Variants in PARP2 observed in about 807,000 individuals in gnomAD.
PARP2 encodes the protein poly(ADP-ribose) polymerase 2.
PARP2 carries 57 observed loss-of-function variants against 77.8 expected under a neutral mutation model. The observed-to-expected ratio is 0.73, with a 90% CI of 0.59 to 0.91. The LOEUF is 0.91. Among genes scored for constraint, PARP2 ranks in the 40% least tolerant of loss-of-function variants. The probability of loss-of-function intolerance (pLI) is 0.00; values close to 1 mark genes in which losing one functional copy is unlikely to be tolerated. For missense variants in PARP2, 651 were observed against 689.0 expected (o/e 0.94, Z 0.62); for synonymous variants, 226 against 242.6 (o/e 0.93, Z 0.64).
At chr14:20,356,467 T>C in intron 12 of PARP2, 33 bp downstream of exon 12, 1 of 1,613,922 alleles carries the variant, frequency 6.2e-7, no homozygotes, top group Non-Finnish European at 8.5e-7. Context: ...GGAAAGACAC[T>C]CCTTGCCCGA....
Position 20,346,850 on chromosome 14 carries a change from TCTCC to T in PARP2, c.274-10_274-7del, listed in dbSNP as rs756901878. 39 of 1,581,600 alleles carry T rather than the reference TCTCC, an allele frequency of 2.5e-5. No individual in the cohort carries two copies. Among genetic ancestry groups the T allele is most frequent in the African/African-American group, 2.3e-4 (17 of 73,932 alleles). On this transcript the variant is annotated splice_polypyrimidine_tract_variant and intron_variant, in intron 3 of 15. Coordinates refer to ENST00000429687, the MANE Select transcript of PARP2 (RefSeq NM_001042618.2). ...TATACTAATGTTGATTTTTTCTCTC[TCTCC>T]CTTTCTAGGCTCATGTGTATTGTGA...
chr14:20,347,010 C>CTTTTTTTTTTT (rs201999457), intron 4 of PARP2, 97 bp downstream of exon 4: 1 of 477,632 alleles, frequency 2.1e-6, no homozygotes. Flanking sequence ...TTTAAAGTCC[C>CTTTTTTTTTTT]TTTTTTTTTT....
chr14:20,357,565 G>C, intron 15 of PARP2, 45 bp downstream of exon 15: 1 of 1,602,150 alleles, frequency 6.2e-7, no homozygotes, highest in South Asian at 1.1e-5. Flanking sequence ...CTTTTGGCCA[G>C]ATAAGACTAC....
intron 6 of PARP2, among the ~76,000 whole-genome samples, chr14:20,351,401 A>G (rs1594299908): frequency 6.6e-6 from 1 of 151,780 alleles, no homozygotes; most frequent in South Asian, 2.1e-4. Flanking sequence ...CTGGTCTCGA[A>G]CCCCTGACCT....
intron 1 of PARP2, 42 bp downstream of exon 1, chr14:20,343,729 C>T (rs1340788255): frequency 1.3e-6 from 2 of 1,597,608 alleles, no homozygotes; most frequent in South Asian, 1.1e-5. Flanking sequence ...GGGGGGCGGG[C>T]AGTCAGAAAG....
At position 20,355,745 on chromosome 14, in the gene PARP2, T is replaced by G; in HGVS notation, c.903-7T>G. On this transcript the variant is annotated splice_region_variant and splice_polypyrimidine_tract_variant and intron_variant, in intron 9 of 15. Transcript: ENST00000429687. ...AAGCTCATTATGGGTTATATCTCTG[T>G]TCTTAGACTCCGTACTCCTCCACTA... 1 of 1,612,076 alleles carries G rather than the reference T, an allele frequency of 6.2e-7. No homozygotes were observed. Among genetic ancestry groups the G allele is most frequent in the Non-Finnish European group, 8.5e-7 (1 of 1,178,140 alleles).
rs1435088244 is a variant in PARP2 at position 20,350,532 on chromosome 14, C to G, written c.331C>G (p.Leu111Val). 1.9e-6 allele frequency: 3 copies of G among 1,590,758 alleles called. No homozygotes were observed. Among genetic ancestry groups the G allele is most frequent in the Non-Finnish European group, 2.6e-6 (3 of 1,159,260 alleles). ...TTGTTTTCACTCAACATAGACCAAT[C>G]TCCAGTTCAACAACAACAAGTACTA... ...VYDVMLNQTN[L>V]QFNNNKYYLI... is the part of the protein sequence containing the mutation. The change falls in exon 5 of 16, where the codon CTC (leucine) becomes GTC (valine). Residue 111 changes from leucine (L) to valine (V), a missense_variant. Transcript: ENST00000429687.
intron 11 of PARP2, 74 bp from the exon 12 acceptor site, chr14:20,356,233 G>C: frequency 6.4e-7 from 1 of 1,555,296 alleles, no homozygotes; most frequent in African/African-American, 1.4e-5. Context: ...AGTTATATCA[G>C]AATCCCCAAA....
At chr14:20,344,684 A>C (rs761757466) in intron 1 of PARP2, among the ~76,000 whole-genome samples, 49 of 152,114 alleles carry the variant, frequency 3.2e-4, no homozygotes, top group South Asian at 6.2e-4. Context: ...ATGGTGGTGC[A>C]CGCCTGTAAT....
chr14:20,356,939 A>G, intron 13 of PARP2, 112 bp from the exon 14 acceptor site: 1 of 769,506 alleles, frequency 1.3e-6, no homozygotes, highest in Non-Finnish European at 2.3e-6. Context: ...GGGGAAATGG[A>G]GAAGGGTCTA....
chr14:20,345,568 C>T lies in PARP2; in HGVS notation c.273+104C>T, dbSNP rs1031196982. 7.6e-6 allele frequency: 6 copies of T among 790,750 alleles called. No homozygotes were observed. In the African/African-American group the frequency reaches 8.6e-5, roughly 11 times the overall value. The allele number at this position is 790,750 out of a possible 1,614,324, so 49.0% of individuals were successfully genotyped here. A position where few individuals can be genotyped will look rare whatever the true frequency, so the allele number is the denominator to read the frequency against. On this transcript the variant is annotated intron_variant, in intron 3 of 15. Transcript: ENST00000429687. ...TGCTGTTAGTACTCATTTTAGGAATCCTCTCCAAAATATGATGAGTGAGTA... is the reference window on the plus strand; with the variant it reads ...TGCTGTTAGTACTCATTTTAGGAATTCTCTCCAAAATATGATGAGTGAGTA...
intron 3 of PARP2, among the ~76,000 whole-genome samples, chr14:20,345,943 A>G (rs915826401): frequency 4.6e-5 from 7 of 152,134 alleles, no homozygotes; most frequent in Non-Finnish European, 1.0e-4. Flanking sequence ...ACGCTTTTAA[A>G]CTACCAAATC....
intron 4 of PARP2, among the ~76,000 whole-genome samples, chr14:20,347,510 G>C (rs1472736089): frequency 4.5e-5 from 6 of 133,682 alleles, no homozygotes; most frequent in African/African-American, 1.7e-4. Flanking sequence ...CTGCCTCCTG[G>C]GTTCAAGCAA....
At chr14:20,351,009 C>T in intron 5 of PARP2, 38 bp from the exon 6 acceptor site, 1 of 1,526,918 alleles carries the variant, frequency 6.5e-7, no homozygotes, top group East Asian at 2.2e-5. Flanking sequence ...GCCTGTTACT[C>T]TTAGGGAACT....
chr14:20,356,887 A>C, intron 13 of PARP2, 164 bp from the exon 14 acceptor site: 2 of 675,614 alleles, frequency 3.0e-6, no homozygotes, highest in Non-Finnish European at 5.2e-6. Flanking sequence ...CAGAAGGCGG[A>C]AATTCACAGG....
At chr14:20,353,039 G>C (rs1594301272) in intron 7 of PARP2, 1 of 151,870 alleles carries the variant, frequency 6.6e-6, no homozygotes, top group East Asian at 1.9e-4. Flanking sequence ...ACTATGCCCA[G>C]CTAATTTTTT....
intron 7 of PARP2, 128 bp from the exon 8 acceptor site, chr14:20,353,952 GCTTCT>G: frequency 1.5e-6 from 1 of 681,180 alleles, no homozygotes; most frequent in East Asian, 2.7e-5. Flanking sequence ...TTTTTTCCTT[GCTTCT>G]CATTATTCCC....
At position 20,351,066 on chromosome 14, in the gene PARP2, C is replaced by G. The variant is rs1883936932; in HGVS notation, c.441C>G (p.His147Gln). The change falls in exon 6 of 16, where the codon CAC (histidine) becomes CAG (glutamine). Residue 147 changes from histidine to glutamine, a missense_variant. His to Gln is a conservative substitution (Grantham distance 24). Coordinates refer to ENST00000429687, the MANE Select transcript of PARP2 (RefSeq NM_001042618.2). ...RWGRVGKMGQHSLVACSGNLN... is the reference protein window; with the variant it reads ...RWGRVGKMGQQSLVACSGNLN... ...TTGCAGTTGGGAAAATGGGACAGCA[C>G]AGCCTGGTGGCTTGTTCAGGCAATC... is the stretch of plus-strand genomic sequence containing the variant. 2.5e-6 allele frequency: 4 copies of G among 1,613,994 alleles called. No homozygotes were observed. The highest frequency in any genetic ancestry group is 1.7e-5 in the Admixed American group (1 of 59,998).
At chr14:20,344,792 G>A (rs3093888) in intron 1 of PARP2, 140 bp from the exon 2 acceptor site, 38,668 of 635,286 alleles carry the variant, frequency 0.061, 1,406 homozygotes, top group South Asian at 0.097. Flanking sequence ...CAGCCTGGGC[G>A]AGAGAGTGAG....
Sources: allele counts gnomAD v4.1 joint callset (sites outside exome capture counted in the v4.1 genomes callset), GRCh38; gene constraint gnomAD v4.1.1; transcripts MANE v1.5; gene names NCBI Gene and HGNC (gene_info 2026-07-23, HGNC 2026-07-21).